The following TMEM132B variants were observed in gnomAD, a reference collection of about 807,000 sequenced individuals.
The protein encoded by TMEM132B is transmembrane protein 132B.
TMEM132B carries 18 observed loss-of-function variants against 90.8 expected under a neutral mutation model. The observed-to-expected ratio is 0.20, with a 90% CI of 0.14 to 0.29. TMEM132B has a LOEUF of 0.29. Among genes scored for constraint, TMEM132B ranks in the 10% least tolerant of loss-of-function variants. The pLI, the probability that TMEM132B is intolerant of heterozygous loss-of-function variation, is 1.00. For synonymous variants in TMEM132B, 504 were observed against 523.3 expected (o/e 0.96, Z 0.50); for missense variants, 1,096 against 1,326.8 (o/e 0.83, Z 2.70).
intron 3 of TMEM132B, among the ~76,000 whole-genome samples, chr12:125,499,927 A>C (rs1456846386): frequency 6.6e-6 from 1 of 152,202 alleles, no homozygotes; most frequent in Non-Finnish European, 1.5e-5. Context: ...TGTTATGTTA[A>C]AGAATTACTT....
At chr12:125,464,494 T>C (rs1463682630) in intron 3 of TMEM132B, among the ~76,000 whole-genome samples, 1 of 152,220 alleles carries the variant, frequency 6.6e-6, no homozygotes, top group Non-Finnish European at 1.5e-5. Context: ...ATTCTGTGCT[T>C]CTTAGCAAAT....
At chr12:125,392,212 G>A (rs1050868804) in intron 2 of TMEM132B, among the ~76,000 whole-genome samples, 1 of 152,220 alleles carries the variant, frequency 6.6e-6, no homozygotes, top group Admixed American at 6.5e-5. Context: ...CCATCCCTGG[G>A]TTGGGAGACG....
chr12:125,187,185 G>A lies in TMEM132B; in HGVS notation c.67+319G>A, dbSNP rs1000336788. Among the ~76,000 whole-genome samples, 34 of 152,280 alleles carry A rather than the reference G, an allele frequency of 2.2e-4. 1 individual carries two copies. The highest frequency in any genetic ancestry group is 7.0e-4 in the African/African-American group (29 of 41,564). On this transcript the variant is annotated intron_variant, in intron 1 of 8. Transcript: ENST00000682704. ...AGGAATCGAGCCCCCTCCCCGCCCT[G>A]CCTTGGGCCAAATCCCCCCCAGGTC...
intron 2 of TMEM132B, among the ~76,000 whole-genome samples, chr12:125,355,570 T>C (rs1877738809): frequency 6.6e-6 from 1 of 152,192 alleles, no homozygotes; most frequent in Admixed American, 6.5e-5. Flanking sequence ...AGTTGTATTG[T>C]TATATGTTGT....
chr12:125,434,512 AGAGGGTGG>A (rs1023040021), intron 3 of TMEM132B, among the ~76,000 whole-genome samples: 1 of 8,848 alleles, frequency 1.1e-4, no homozygotes, highest in African/African-American at 4.7e-4. Flanking sequence ...GTGGGAGATT[AGAGGGTGG>A]GAGGGTGGGG....
intron 4 of TMEM132B, among the ~76,000 whole-genome samples, chr12:125,568,861 A>G (rs1352235598): frequency 6.6e-6 from 1 of 152,192 alleles, no homozygotes; most frequent in East Asian, 1.9e-4. Flanking sequence ...ACGTGGTACA[A>G]TTCTACTCTG....
At position 125,415,396 on chromosome 12, in the gene TMEM132B, C is replaced by A; in HGVS notation, c.960-135C>A. ...AGGAAAGCCACTTGCCACCACTCTC[C>A]CCCACATCTCCCAGAGGAAGGGGGC... On this transcript the variant is annotated intron_variant, in intron 2 of 8. Transcript: ENST00000682704. The surrounding 1 kb of genome is among the most constrained non-coding windows in gnomAD (Gnocchi z 5.3). 8.7e-7 allele frequency: 1 copy of A among 1,143,348 alleles called. No homozygotes were observed. The highest frequency in any genetic ancestry group is 1.2e-6 in the Non-Finnish European group (1 of 823,528). 70.8% of individuals were successfully genotyped at this position (1,143,348 alleles called of 1,614,324 possible).
At chr12:125,258,732 C>T (rs151077970) in intron 1 of TMEM132B, among the ~76,000 whole-genome samples, 72 of 152,166 alleles carry the variant, frequency 4.7e-4, no homozygotes, top group African/African-American at 1.6e-3. Flanking sequence ...GCATGGGACG[C>T]GGTATGCTGC....
chr12:125,206,313 A>C (rs1299355520), intron 1 of TMEM132B, among the ~76,000 whole-genome samples: 1 of 151,998 alleles, frequency 6.6e-6, no homozygotes, highest in African/African-American at 2.4e-5. Flanking sequence ...ATCTCAGCTC[A>C]CTGCAACCTC....
intron 3 of TMEM132B, among the ~76,000 whole-genome samples, chr12:125,443,027 T>A (rs563241183): frequency 6.6e-6 from 1 of 152,194 alleles, no homozygotes; most frequent in African/African-American, 2.4e-5. Context: ...TCATGTAGAA[T>A]TATGATTCCC....
At chr12:125,413,737 C>T (rs898073228) in intron 2 of TMEM132B, among the ~76,000 whole-genome samples, 1 of 152,198 alleles carries the variant, frequency 6.6e-6, no homozygotes, top group Non-Finnish European at 1.5e-5. Context: ...ATTTATCCCT[C>T]CATCATAGAT....
In TMEM132B at chr12:125,655,609, G is replaced by T. The variant is rs1223189428; in HGVS notation, c.*899G>T. ...TCTCTGCTTGTTGAAAACTCATGGG[G>T]AACTCCTGGAGTGCATTTCTGAGGG... On this transcript the variant is annotated 3_prime_UTR_variant, in exon 9 of 9. Transcript: ENST00000682704. 3 of 152,106 alleles carry T rather than the reference G, an allele frequency of 2.0e-5. No homozygotes were observed. Among genetic ancestry groups the T allele is most frequent in the African/African-American group, 4.8e-5 (2 of 41,420 alleles). The allele number at this position is 152,106 out of a possible 1,614,324, so 9.4% of individuals were successfully genotyped here. A position where few individuals can be genotyped will look rare whatever the true frequency, so the allele number is the denominator to read the frequency against.
intron 4 of TMEM132B, among the ~76,000 whole-genome samples, chr12:125,569,491 T>C (rs555356047): frequency 6.6e-6 from 1 of 152,272 alleles, no homozygotes; most frequent in South Asian, 2.1e-4. Context: ...GAAACATTTG[T>C]GCAGCTGAGG....
intron 5 of TMEM132B, among the ~76,000 whole-genome samples, chr12:125,627,048 G>A (rs1886250042): frequency 6.6e-6 from 1 of 152,012 alleles, no homozygotes. Context: ...CAAATTCACT[G>A]CTTCTTTCCT....
In TMEM132B at chr12:125,247,838, G is replaced by A. The variant is rs1861275650; in HGVS notation, c.67+60972G>A. On this transcript the variant is annotated intron_variant, in intron 1 of 8. Transcript: ENST00000682704. ...AACGTGCCGCCCCCACCTCCAGATG[G>A]CACGAAGTAGGGACTACTCCTTGCT... Among the ~76,000 whole-genome samples the A allele has an allele frequency of 2.0e-5, 3 of 152,182 alleles. No individual in the cohort carries two copies. The South Asian group carries it at 6.2e-4, about 32-fold the overall frequency.
At chr12:125,566,998 C>A (rs112727708) in intron 4 of TMEM132B, among the ~76,000 whole-genome samples, 1 of 151,958 alleles carries the variant, frequency 6.6e-6, no homozygotes, top group African/African-American at 2.4e-5. Context: ...TGCCCACCAC[C>A]ACACCGGCTA....
At chr12:125,529,160 C>A (rs1426434790) in intron 4 of TMEM132B, among the ~76,000 whole-genome samples, 1 of 152,170 alleles carries the variant, frequency 6.6e-6, no homozygotes, top group African/African-American at 2.4e-5. Flanking sequence ...TCACAGCTCA[C>A]TGCAGCCTCA....
chr12:125,472,499 A>G (rs1881750502), intron 3 of TMEM132B, among the ~76,000 whole-genome samples: 1 of 152,154 alleles, frequency 6.6e-6, no homozygotes, highest in African/African-American at 2.4e-5. Flanking sequence ...CAGTTTCTTT[A>G]GAATCTTGTT....
intron 4 of TMEM132B, among the ~76,000 whole-genome samples, chr12:125,576,697 T>G (rs899124270): frequency 3.3e-4 from 50 of 152,088 alleles, no homozygotes; most frequent in Admixed American, 1.4e-3. Context: ...TGTCAAATGC[T>G]TTTTTTCACA....
Sources: gnomAD v4.1 joint callset for allele counts (sites outside exome capture counted in the v4.1 genomes callset) on GRCh38, gnomAD v4.1.1 for gene constraint, Gnocchi (gnomAD v3.1) non-coding constraint, MANE v1.5 for transcripts, NCBI Gene and HGNC (gene_info 2026-07-23, HGNC 2026-07-21) for gene names.